The following WDR17 variants were observed in gnomAD, a reference collection of about 807,000 sequenced individuals.
WDR17 encodes WD repeat domain 17.
WDR17 carries 143 observed loss-of-function variants against 161.7 expected under a neutral mutation model. That is an observed-to-expected ratio of 0.88 (90% CI 0.77 to 1.02). The LOEUF (loss-of-function observed/expected upper bound fraction) is 1.02. Ranked by LOEUF, WDR17 falls within the 50% of genes least tolerant of loss-of-function variation. The probability of loss-of-function intolerance (pLI) is 0.00; values close to 1 mark genes in which losing one functional copy is unlikely to be tolerated. For missense variants in WDR17, 1,469 were observed against 1,520.9 expected (o/e 0.97, Z 0.57); for synonymous variants, 517 against 515.6 (o/e 1.00, Z -0.04).
In WDR17 at chr4:176,128,838, T is replaced by G; in HGVS notation, c.891T>G (p.Leu297=). The change falls in exon 6 of 29, where the codon CTT becomes CTG. Residue 297 remains leucine (L), a synonymous_variant. Coordinates refer to ENST00000508596, the MANE Select transcript of WDR17 (RefSeq NM_181265.4). ...CAGGATTTCACTGCTTACATGTACT[T>G]AATTCTCCTCCAAGAAAAAAGTGTA... is the stretch of plus-strand genomic sequence containing the variant. The part of the protein sequence containing the change: ...KKTGFHCLHV[L]NSPPRKKFSV... 1 of 1,577,006 alleles carries G rather than the reference T, an allele frequency of 6.3e-7. No homozygotes were observed. The highest frequency in any genetic ancestry group is 8.6e-7 in the Non-Finnish European group (1 of 1,166,632).
intron 17 of WDR17, among the ~76,000 whole-genome samples, chr4:176,154,926 T>A (rs1467520594): frequency 6.6e-6 from 1 of 152,122 alleles, no homozygotes; most frequent in Non-Finnish European, 1.5e-5. Context: ...ACAGTAACAA[T>A]CAGCCTTTAT....
chr4:176,069,458 T>G (rs1732943305), intron 1 of WDR17, among the ~76,000 whole-genome samples: 2 of 152,198 alleles, frequency 1.3e-5, no homozygotes, highest in Non-Finnish European at 2.9e-5. Context: ...TAAGGATGAT[T>G]GATAATTGTC....
intron 22 of WDR17, among the ~76,000 whole-genome samples, chr4:176,165,798 A>C (rs534140324): frequency 1.3e-5 from 2 of 152,310 alleles, no homozygotes; most frequent in Non-Finnish European, 2.9e-5. Flanking sequence ...TATATGTCTT[A>C]ATTACTTTTA....
chr4:176,178,605 T>C (rs527422506), intron 28 of WDR17, among the ~76,000 whole-genome samples: 1 of 152,322 alleles, frequency 6.6e-6, no homozygotes, highest in South Asian at 2.1e-4. Context: ...AGTACTGTTC[T>C]GCCAGGATAT....
intron 22 of WDR17, 133 bp from the exon 23 acceptor site, chr4:176,168,539 G>A (rs1309813259): frequency 2.1e-6 from 2 of 944,076 alleles, no homozygotes; most frequent in South Asian, 4.2e-5. Context: ...AATTAAGTAG[G>A]CTATTAATAC....
intron 18 of WDR17, among the ~76,000 whole-genome samples, chr4:176,157,375 A>G (rs1232630847): frequency 6.6e-6 from 1 of 152,220 alleles, no homozygotes; most frequent in Non-Finnish European, 1.5e-5. Context: ...CAAAGGCTAA[A>G]CATAAAATTC....
rs1747822075 is a variant in WDR17, at chr4:176,154,913, A to ATG, written c.2461-1165_2461-1164insGT. Among the ~76,000 whole-genome samples the ATG allele has an allele frequency of 3.3e-5, 5 of 152,318 alleles. No homozygotes were observed. In the South Asian group the frequency reaches 1.0e-3, roughly 32 times the overall value. On this transcript the variant is annotated intron_variant, in intron 17 of 28. Coordinates refer to ENST00000508596, the MANE Select transcript of WDR17 (RefSeq NM_181265.4). ...AATCCAATGAAATCTGTATTTTCAT[A>ATG]TAACAGTAACAATCAGCCTTTATTA...
At chr4:176,086,973 C>T (rs1735499277) in intron 1 of WDR17, among the ~76,000 whole-genome samples, 1 of 151,846 alleles carries the variant, frequency 6.6e-6, no homozygotes. Context: ...CAAATGATTA[C>T]TTTTACCTCT....
At chr4:176,162,288 G>A (rs1449873560) in intron 21 of WDR17, 114 bp downstream of exon 21, 7 of 834,600 alleles carry the variant, frequency 8.4e-6, no homozygotes, top group East Asian at 2.8e-5. Flanking sequence ...GCATGTCTTC[G>A]AAGCCTGAGT....
chr4:176,146,107 G>A lies in WDR17; in HGVS notation c.1642G>A (p.Val548Ile). Residue 548 changes from valine to isoleucine, a missense_variant, in exon 12 of 29, where the codon GTT becomes ATT. Physicochemically the swap from Val to Ile is conservative, Grantham distance 29. Coordinates refer to ENST00000508596, the MANE Select transcript of WDR17 (RefSeq NM_181265.4). ...FSGHTAKVFH[V>I]KWSPLREGIL... ...TGGGCATACAGCAAAAGTGTTTCAT[G>A]TTAAATGGTCTCCTCTGAGAGAGGG... 1 of 1,614,024 alleles carries A rather than the reference G, an allele frequency of 6.2e-7. No homozygotes were observed. The highest frequency in any genetic ancestry group is 1.7e-5 in the Admixed American group (1 of 60,020).
Position 176,115,976 on chromosome 4 carries a change from A to C in WDR17, c.304A>C (p.Lys102Gln). 1 of 1,598,614 alleles carries C rather than the reference A, an allele frequency of 6.3e-7. No individual in the cohort carries two copies. Among genetic ancestry groups the C allele is most frequent in the Non-Finnish European group, 8.5e-7 (1 of 1,173,814 alleles). ...AGTCATTGCTAAACTCGACAGTACA[A>C]AAGGTATAATTACAACTGGGATTTA... ...QKVIAKLDST[K>Q]GIPASLSWCW... Residue 102 changes from lysine (K) to glutamine (Q), a missense_variant, in exon 3 of 29, where the codon AAA becomes CAA. Coordinates refer to ENST00000508596, the MANE Select transcript of WDR17 (RefSeq NM_181265.4).
At chr4:176,147,832 T>TAAGCTAGC (rs1746431210) in intron 12 of WDR17, among the ~76,000 whole-genome samples, 4 of 152,152 alleles carry the variant, frequency 2.6e-5, no homozygotes, top group African/African-American at 7.2e-5. Context: ...TATGTTTAAA[T>TAAGCTAGC]AAGCTAGCAC....
chr4:176,150,011 T>C, intron 14 of WDR17, 32 bp from the exon 15 acceptor site: 1 of 1,611,350 alleles, frequency 6.2e-7, no homozygotes, highest in Non-Finnish European at 8.5e-7. Flanking sequence ...TTATGAGAAA[T>C]CTTTTCTCAC....
chr4:176,118,979 T>G (rs1486825959), intron 3 of WDR17, among the ~76,000 whole-genome samples: 1 of 151,730 alleles, frequency 6.6e-6, no homozygotes. Flanking sequence ...ATAATTATTA[T>G]AAAATAAATA....
intron 1 of WDR17, among the ~76,000 whole-genome samples, chr4:176,106,819 C>T (rs997030857): frequency 6.6e-5 from 10 of 152,056 alleles, no homozygotes; most frequent in South Asian, 2.1e-4. Flanking sequence ...GGCATGATGG[C>T]GCATGCCTAT....
Position 176,179,699 on chromosome 4 carries a change from A to T in WDR17, c.*120A>T. The T allele has an allele frequency of 9.9e-7, 1 of 1,007,604 alleles. No individual in the cohort carries two copies. Among genetic ancestry groups the T allele is most frequent in the Non-Finnish European group, 1.3e-6 (1 of 759,588 alleles). 62.4% of individuals were successfully genotyped at this position (1,007,604 alleles called of 1,614,324 possible). A position where few individuals can be genotyped will look rare whatever the true frequency, so the allele number is the denominator to read the frequency against. Reference sequence around the variant, plus strand: ...TGGGAGAAGGATTGCAGGTTGGGAGAGGTGGGAAATAGCAGTGAATTTTAG... The same window carrying T: ...TGGGAGAAGGATTGCAGGTTGGGAGTGGTGGGAAATAGCAGTGAATTTTAG... On this transcript the variant is annotated 3_prime_UTR_variant, in exon 29 of 29. Coordinates refer to ENST00000508596, the MANE Select transcript of WDR17 (RefSeq NM_181265.4).
rs1167552852 is a variant in WDR17, at chr4:176,110,739, T to A, written c.-6-836T>A. ...GAGAGGAATCTGGTAGAAAATATAG[T>A]TCAGAAGCTGTATTTTAGATACGAG... is the stretch of plus-strand genomic sequence containing the variant. On this transcript the variant is annotated intron_variant, in intron 1 of 28. Transcript: ENST00000508596. Among the ~76,000 whole-genome samples the A allele has an allele frequency of 3.9e-5, 6 of 152,192 alleles. No individual in the cohort carries two copies. The South Asian group carries it at 6.2e-4, about 16-fold the overall frequency.
intron 1 of WDR17, among the ~76,000 whole-genome samples, chr4:176,074,780 A>G (rs1479772389): frequency 6.9e-6 from 1 of 144,850 alleles, no homozygotes; most frequent in Non-Finnish European, 1.5e-5. Context: ...CAAGAATAAA[A>G]GCTCTGGGCA....
At chr4:176,142,180 A>ATATCCCCTTTGCCTAGCAAATGAGAAAC in intron 11 of WDR17, 111 bp downstream of exon 11, 1 of 712,330 alleles carries the variant, frequency 1.4e-6, no homozygotes, top group East Asian at 2.7e-5. Flanking sequence ...TATTTATACA[A>ATATCCCCTTTGCCTAGCAAATGAGAAAC]TATCCCCTTT....
Sources: allele counts gnomAD v4.1 joint callset (sites outside exome capture counted in the v4.1 genomes callset), GRCh38; gene constraint gnomAD v4.1.1; transcripts MANE v1.5; gene names NCBI Gene and HGNC (gene_info 2026-07-23, HGNC 2026-07-21).